DMD: variants seen among roughly 807,000 people sequenced by gnomAD.
The protein encoded by DMD is dystrophin, also known as mutant dystrophin.
In DMD, 63 loss-of-function variants were observed where a neutral mutation model predicts 330.1. The observed-to-expected ratio is 0.19, with a 90% confidence interval of 0.16 to 0.24. DMD has a LOEUF of 0.24. DMD is among the 10% of genes least tolerant of loss of function. The pLI is 1.00. For missense variants in DMD, 3,344 were observed against 2,684.1 expected (o/e 1.25, Z -5.43); for synonymous variants, 1,223 against 959.8 (o/e 1.27, Z -5.07).
At chrX:32,354,940 G>A (rs1246886132) in intron 37 of DMD, among the ~76,000 whole-genome samples, 1 of 111,210 alleles carries the variant, frequency 9.0e-6, no homozygotes, top group Non-Finnish European at 1.9e-5. Flanking sequence ...TTTTGGAGTA[G>A]GAAATGAATT....
At chrX:31,230,150 C>T (rs774682686) in intron 63 of DMD, among the ~76,000 whole-genome samples, 8 of 111,672 alleles carry the variant, frequency 7.2e-5, no homozygotes, top group Admixed American at 1.9e-4. Flanking sequence ...AATCTCAACT[C>T]GTAAAAACCT....
At position 31,484,100 on chromosome X, in the gene DMD, T is replaced by C. The variant is rs140395331; in HGVS notation, c.8548-4997A>G. On this transcript the variant is annotated intron_variant, in intron 57 of 78. Coordinates refer to ENST00000357033, the MANE Select transcript of DMD (RefSeq NM_004006.3). ...GCATGTTGTAGTATAATTTATTGCA[T>C]TTTAAAAGAAAGAAAAATGAAGACT... Among the ~76,000 whole-genome samples, 619 of 111,854 alleles carry C rather than the reference T, an allele frequency of 5.5e-3. 3 individuals are homozygous for C. The highest frequency in any genetic ancestry group is 0.028 in the Middle Eastern group (6 of 216).
chrX:31,271,328 C>T (rs914198975), intron 62 of DMD, among the ~76,000 whole-genome samples: 6 of 111,511 alleles, frequency 5.4e-5, no homozygotes, highest in African/African-American at 1.6e-4. Context: ...TGAATTGGAG[C>T]TATGGATTTG....
In DMD at chrX:31,280,133, C is replaced by T. The variant is rs181806987; in HGVS notation, c.9225-19117G>A. ...AGTCAATTTATCCTTGGTGCATGTCCTCCAGTTGCTTGTTAATAAGATAAT... is the reference window on the plus strand; with the variant it reads ...AGTCAATTTATCCTTGGTGCATGTCTTCCAGTTGCTTGTTAATAAGATAAT... On this transcript the variant is annotated intron_variant, in intron 62 of 78. Coordinates refer to ENST00000357033, the MANE Select transcript of DMD (RefSeq NM_004006.3). Among the ~76,000 whole-genome samples the T allele has an allele frequency of 7.1e-3, 789 of 111,909 alleles. 10 individuals carry two copies. Among genetic ancestry groups the T allele is most frequent in the African/African-American group, 0.024 (743 of 30,813 alleles).
At chrX:31,859,350 GC>G (rs2093664105) in intron 48 of DMD, among the ~76,000 whole-genome samples, 1 of 112,056 alleles carries the variant, frequency 8.9e-6, no homozygotes, top group Admixed American at 9.5e-5. Flanking sequence ...TTTTCTCACT[GC>G]CCAGTATGGG....
At chrX:31,916,024 G>T (rs2094604287) in intron 47 of DMD, among the ~76,000 whole-genome samples, 2 of 112,169 alleles carry the variant, frequency 1.8e-5, no homozygotes, top group Admixed American at 9.5e-5. Flanking sequence ...GAGTGAGCCA[G>T]CTCCAAGCTT....
At chrX:32,634,563 C>T (rs908853794) in intron 11 of DMD, among the ~76,000 whole-genome samples, 71 of 111,644 alleles carry the variant, frequency 6.4e-4, no homozygotes, top group African/African-American at 2.2e-3. Flanking sequence ...ATGAATTCTG[C>T]CAGGACGGGG....
chrX:31,180,253 T>TG lies in DMD; in HGVS notation c.10086+116dup. 4 of 587,313 alleles carry TG rather than the reference T, an allele frequency of 6.8e-6. No homozygotes were observed. The South Asian group carries it at 9.6e-5, about 14-fold the overall frequency. 48.4% of individuals were successfully genotyped at this position (587,313 alleles called of 1,213,427 possible). Reference sequence around the variant, plus strand: ...GCCTACAGTTGAGAGCCACTTTAGCTGGGGAACATCTGGGGAAGTGACAAA... The same window carrying TG: ...GCCTACAGTTGAGAGCCACTTTAGCTGGGGGAACATCTGGGGAAGTGACAAA... On this transcript the variant is annotated intron_variant, in intron 69 of 78. Transcript: ENST00000357033.
chrX:32,295,514 T>C (rs1017484135), intron 42 of DMD, among the ~76,000 whole-genome samples: 12 of 112,538 alleles, frequency 1.1e-4, no homozygotes, highest in African/African-American at 3.9e-4. Flanking sequence ...AAATGTGAGA[T>C]ATGAAAATAA....
rs147558759 is a variant in DMD at position 31,536,186 on chromosome X, A to C, written c.8218-28733T>G. On this transcript the variant is annotated intron_variant, in intron 55 of 78. Coordinates refer to ENST00000357033, the MANE Select transcript of DMD (RefSeq NM_004006.3). The stretch of plus-strand genomic sequence containing the variant: ...GAAATTAATGAGATAATTGAAAACT[A>C]TCCTCCACTAGAATCTCCTCATTTT... 1.3e-4 allele frequency among the ~76,000 whole-genome samples: 15 copies of C among 111,550 alleles called. No individual in the cohort carries two copies. The East Asian group carries it at 4.3e-3, about 32-fold the overall frequency.
At chrX:31,204,517 A>G (rs779268982) in intron 66 of DMD, among the ~76,000 whole-genome samples, 1 of 112,569 alleles carries the variant, frequency 8.9e-6, no homozygotes, top group Non-Finnish European at 1.9e-5. Flanking sequence ...GACACCAGAG[A>G]TTCAAAAATG....
At chrX:32,040,704 C>T (rs778708789) in intron 44 of DMD, among the ~76,000 whole-genome samples, 38 of 111,531 alleles carry the variant, frequency 3.4e-4, no homozygotes, top group Admixed American at 5.7e-4. Flanking sequence ...TTCTTGAGGC[C>T]TCAGAGTGCA....
At chrX:32,386,870 T>C (rs1394486486) in intron 32 of DMD, among the ~76,000 whole-genome samples, 1 of 110,299 alleles carries the variant, frequency 9.1e-6, no homozygotes, top group East Asian at 2.8e-4. Context: ...CGGGTATTTA[T>C]TGAGTGGTTA....
Position 33,104,588 on chromosome X carries a change from C to A in DMD, c.32-84388G>T, listed in dbSNP as rs779427643. Among the ~76,000 whole-genome samples the A allele has an allele frequency of 2.0e-4, 22 of 109,468 alleles. 1 individual carries two copies. Among genetic ancestry groups the A allele is most frequent in the South Asian group, 1.6e-3 (4 of 2,442 alleles). ...ACCCAAATCCTATAAAACGGCCCCA[C>A]CCCTATCTCCCTTCGCTGACTCTCT... On this transcript the variant is annotated intron_variant, in intron 1 of 78. Coordinates refer to ENST00000357033, the MANE Select transcript of DMD (RefSeq NM_004006.3).
chrX:32,899,479 T>G (rs1312629069), intron 2 of DMD, among the ~76,000 whole-genome samples: 1 of 109,151 alleles, frequency 9.2e-6, no homozygotes, highest in Non-Finnish European at 1.9e-5. Context: ...ATCGAGACCA[T>G]CCTGACCAAC....
At chrX:32,655,757 T>C (rs1449368981) in intron 9 of DMD, among the ~76,000 whole-genome samples, 1 of 111,483 alleles carries the variant, frequency 9.0e-6, no homozygotes, top group Non-Finnish European at 1.9e-5. Context: ...TCTCCCATTA[T>C]TAACGTGTGG....
At chrX:32,518,873 G>C (rs928918724) in intron 17 of DMD, among the ~76,000 whole-genome samples, 2 of 110,144 alleles carry the variant, frequency 1.8e-5, no homozygotes, top group African/African-American at 6.6e-5. Context: ...AATACCCAAA[G>C]GGCACTGCCT....
At chrX:32,145,583 T>C (rs2096774528) in intron 44 of DMD, among the ~76,000 whole-genome samples, 1 of 112,265 alleles carries the variant, frequency 8.9e-6, no homozygotes, top group African/African-American at 3.2e-5. Flanking sequence ...AATACTATAT[T>C]TCCTTGATTT....
chrX:32,777,878 C>T (rs1295482673), intron 7 of DMD, among the ~76,000 whole-genome samples: 8 of 112,281 alleles, frequency 7.1e-5, no homozygotes, highest in Non-Finnish European at 1.1e-4. Flanking sequence ...CATCGCTGCT[C>T]AATTTTGGAT....
Sources: gnomAD v4.1 joint callset for allele counts (sites outside exome capture counted in the v4.1 genomes callset) on GRCh38, gnomAD v4.1.1 for gene constraint, MANE v1.5 for transcripts, NCBI Gene and HGNC (gene_info 2026-07-23, HGNC 2026-07-21) for gene names.